MYO15B: variants seen among roughly 807,000 people sequenced by gnomAD.
MYO15B encodes myosin XVB, also known as myosin XVB pseudogene.
A neutral mutation model predicts 119.3 loss-of-function variants in MYO15B; 207 were observed. The ratio of observed to expected loss-of-function variants is 1.73; its 90% CI spans 1.55 to 1.95. The LOEUF is 1.95. Ranked by LOEUF, MYO15B falls within the 30% of genes most tolerant of loss-of-function variation. The probability of loss-of-function intolerance (pLI) is 0.00; values close to 1 mark genes in which losing one functional copy is unlikely to be tolerated. For missense variants in MYO15B, 2,264 were observed against 1,203.1 expected (o/e 1.88, Z -13.04); for synonymous variants, 966 against 498.9 (o/e 1.94, Z -12.48).
chr17:75,595,697 C>T (rs1282411160), intron 12 of MYO15B, among the ~76,000 whole-genome samples: 2 of 152,220 alleles, frequency 1.3e-5, no homozygotes, highest in African/African-American at 4.8e-5. Flanking sequence ...GCAGGAGTCT[C>T]AAAGGCAGTG....
chr17:75,613,644 T>A lies in MYO15B; in HGVS notation c.5147-61T>A, dbSNP rs181011076. The A allele has an allele frequency of 1.6e-3, 1,089 of 689,310 alleles. 9 individuals are homozygous for A. The highest frequency in any genetic ancestry group is 0.013 in the African/African-American group (743 of 56,954). The allele number at this position is 689,310 out of a possible 1,614,324, so 42.7% of individuals were successfully genotyped here. ...AAACTCTCATGGGGACAGCAGCCCC[T>A]TCCTGTCAGGGTGGACTCTGCTGTC... On this transcript the variant is annotated intron_variant, in intron 28 of 63. Transcript: ENST00000645453.
chr17:75,610,613 A>G (rs1282043190), intron 22 of MYO15B: 1 of 548,602 alleles, frequency 1.8e-6, no homozygotes, highest in Non-Finnish European at 3.3e-6. Flanking sequence ...CCCACGTGCT[A>G]CCCCCTCTCT....
chr17:75,613,048 G>T, exon 27 of MYO15B: 1 of 700,954 alleles, frequency 1.4e-6, no homozygotes, highest in Non-Finnish European at 2.6e-6. Flanking sequence ...TGGTGCGGCA[G>T]GGGCAGTGCC....
At chr17:75,613,105 A>G (rs2058131324) in exon 27 of MYO15B, 5 of 702,768 alleles carry the variant, frequency 7.1e-6, no homozygotes, top group Admixed American at 4.0e-5. Flanking sequence ...TGGCCCAGCT[A>G]TGGCAGAACC....
intron 14 of MYO15B, among the ~76,000 whole-genome samples, chr17:75,599,113 G>A (rs181924685): frequency 6.6e-6 from 1 of 152,032 alleles, no homozygotes; most frequent in African/African-American, 2.4e-5. Flanking sequence ...GCCCAGGCTG[G>A]TCTCAACCTC....
At chr17:75,626,722 G>A (rs2059089044) in exon 64 of MYO15B, 4 of 572,386 alleles carry the variant, frequency 7.0e-6, no homozygotes, top group African/African-American at 1.9e-5. Flanking sequence ...AACTCGGCTG[G>A]GGCACCTGAG....
rs949370567 is a variant in MYO15B, at chr17:75,589,202, GGCGGCT to G, written c.1157_1162del (p.Leu386_Arg387del). 3.9e-5 allele frequency: 13 copies of G among 330,142 alleles called. No individual in the cohort carries two copies. Among genetic ancestry groups the G allele is most frequent in the African/African-American group, 2.8e-4 (10 of 36,098 alleles). The allele number at this position is 330,142 out of a possible 1,614,324, so 20.5% of individuals were successfully genotyped here. A position where few individuals can be genotyped will look rare whatever the true frequency, so the allele number is the denominator to read the frequency against. Reference sequence around the variant, plus strand: ...CTGGGCCTCCTGCGCTGGCTGCGGCGGCGGCTGCGGCTGCGGCGGCGGCCGCCAGAG... The same window carrying G: ...CTGGGCCTCCTGCGCTGGCTGCGGCGGCGGCTGCGGCGGCGGCCGCCAGAG... On this transcript the variant is annotated inframe_deletion, in exon 1 of 64. Coordinates refer to ENST00000645453, the Ensembl canonical transcript of MYO15B. The surrounding 1 kb of genome is among the most constrained non-coding windows in gnomAD (Gnocchi z 4.2).
chr17:75,626,029 A>G (rs1026420815), intron 62 of MYO15B, 52 bp downstream of exon 62: 2 of 697,182 alleles, frequency 2.9e-6, no homozygotes, highest in African/African-American at 1.8e-5. Context: ...GGGCTGTTCC[A>G]TCACCCACAA....
intron 21 of MYO15B, chr17:75,606,968 G>A: frequency 2.5e-6 from 1 of 398,544 alleles, no homozygotes; most frequent in South Asian, 1.3e-4. Context: ...GCTGTTGGCT[G>A]ACCGTCTGCC....
chr17:75,615,838 C>T (rs751261192), exon 36 of MYO15B: 21 of 701,800 alleles, frequency 3.0e-5, no homozygotes, highest in South Asian at 4.4e-5. Flanking sequence ...CCCACACCCC[C>T]GGAGAAGCCA....
At chr17:75,623,886 C>T (rs2058853751) in intron 54 of MYO15B, 32 bp downstream of exon 54, 3 of 702,602 alleles carry the variant, frequency 4.3e-6, no homozygotes, top group Admixed American at 2.0e-5. Context: ...CTGGGGGTGG[C>T]TTCTGGGGGC....
At chr17:75,621,228 A>G (rs2058689018) in intron 50 of MYO15B, 52 bp downstream of exon 50, 1 of 662,548 alleles carries the variant, frequency 1.5e-6, no homozygotes, top group African/African-American at 1.8e-5. Context: ...TCTTCCTGAG[A>G]GAGAGCACCC....
intron 43 of MYO15B, 109 bp from the exon 44 acceptor site, chr17:75,619,034 G>T: frequency 1.5e-6 from 1 of 672,404 alleles, no homozygotes; most frequent in South Asian, 1.6e-5. Context: ...ATGGGGGCCA[G>T]GGCGCCCTCC....
chr17:75,592,359 G>A, intron 7 of MYO15B, 58 bp downstream of exon 7: 2 of 700,358 alleles, frequency 2.9e-6, no homozygotes, highest in Non-Finnish European at 2.6e-6. Context: ...AGGGCAGAGG[G>A]TGTCACTGTC....
chr17:75,606,184 C>T, intron 21 of MYO15B, 163 bp downstream of exon 21: 1 of 539,274 alleles, frequency 1.9e-6, no homozygotes, highest in African/African-American at 1.9e-5. Context: ...CATTACCCCC[C>T]ATACCCGTGC....
At chr17:75,606,320 G>GTT (rs35239184) in intron 21 of MYO15B, among the ~76,000 whole-genome samples, 1 of 146,112 alleles carries the variant, frequency 6.8e-6, no homozygotes, top group Non-Finnish European at 1.5e-5. Context: ...AACAATCTTT[G>GTT]TTTTTTTTTT....
chr17:75,624,402 C>T, exon 57 of MYO15B: 1 of 702,564 alleles, frequency 1.4e-6, no homozygotes, highest in Non-Finnish European at 2.6e-6. Flanking sequence ...TTCTTATTCA[C>T]CTGCCGGGGG....
chr17:75,626,750 A>AGAT (rs2059090156), exon 64 of MYO15B: 1 of 553,136 alleles, frequency 1.8e-6, no homozygotes, highest in Admixed American at 3.3e-5. Context: ...AGTCTGAGGG[A>AGAT]GATGCCCACC....
chr17:75,614,939 C>T (rs1214658576), intron 32 of MYO15B, 22 bp from the exon 33 acceptor site: 1 of 703,054 alleles, frequency 1.4e-6, no homozygotes, highest in Admixed American at 2.0e-5. Flanking sequence ...CTCACTCTGA[C>T]CTGTGACCAT....
Sources: gnomAD v4.1 joint callset for allele counts (sites outside exome capture counted in the v4.1 genomes callset) on GRCh38, gnomAD v4.1.1 for gene constraint, Gnocchi (gnomAD v3.1) non-coding constraint, MANE v1.5 for transcripts, NCBI Gene and HGNC (gene_info 2026-07-23, HGNC 2026-07-21) for gene names.